LGSN: variants seen among roughly 807,000 people sequenced by gnomAD.
LGSN encodes lengsin, lens protein with glutamine synthetase domain, also known as lengsin.
Under a neutral mutation model 19.5 loss-of-function variants are expected in LGSN, and 21 were observed. The ratio of observed to expected loss-of-function variants is 1.07; its 90% confidence interval spans 0.76 to 1.55. The LOEUF (loss-of-function observed/expected upper bound fraction) is 1.55, where lower values mean the gene tolerates loss of function less well. Among genes scored for constraint, LGSN ranks in the 40% most tolerant of loss-of-function variants. LGSN has a pLI of 0.00. For synonymous variants in LGSN, 257 were observed against 215.6 expected (o/e 1.19, Z -1.68); for missense variants, 673 against 608.5 (o/e 1.11, Z -1.12).
the LGSN span, among the ~76,000 whole-genome samples, chr6:63,412,939 GAAGA>G: frequency 6.7e-6 from 1 of 150,370 alleles, no homozygotes; most frequent in African/African-American, 2.4e-5. Flanking sequence ...AGGAAGAAAG[GAAGA>G]GAGAAGGAAA....
chr6:63,405,200 T>C, the LGSN span, among the ~76,000 whole-genome samples: 21 of 151,954 alleles, frequency 1.4e-4, no homozygotes, highest in Non-Finnish European at 2.9e-5. Context: ...TAATCCAGTC[T>C]ATCATTGTTG....
the LGSN span, among the ~76,000 whole-genome samples, chr6:63,553,050 C>G: frequency 6.6e-6 from 1 of 152,158 alleles, no homozygotes; most frequent in East Asian, 1.9e-4. Flanking sequence ...ACAGATGTAC[C>G]AGCACTGTAT....
the LGSN span, among the ~76,000 whole-genome samples, chr6:63,527,220 T>C: frequency 2.6e-5 from 4 of 152,312 alleles, no homozygotes; most frequent in Admixed American, 2.0e-4. Flanking sequence ...CTATAGCAGT[T>C]ACTTTATGTG....
the LGSN span, among the ~76,000 whole-genome samples, chr6:63,480,988 CACACACACAT>C: frequency 1.3e-4 from 4 of 31,566 alleles, no homozygotes; most frequent in East Asian, 1.3e-3. Context: ...TATATATATA[CACACACACAT>C]ACATACATAC....
the LGSN span, among the ~76,000 whole-genome samples, chr6:63,412,748 AAAGAAAGAAAGAAAGAAAGAAAGGAAG>A: frequency 6.7e-4 from 60 of 89,876 alleles, no homozygotes; most frequent in Non-Finnish European, 1.0e-3. Flanking sequence ...AGAAAGAAAG[AAAGAAAGAAAGAAAGAAAGAAAGGAAG>A]GAAGGGAAGG....
At chr6:63,412,529 G>GGAAAGAAAGAAAGAAAGAAAGAAA in the LGSN span, among the ~76,000 whole-genome samples, 21 of 32,402 alleles carry the variant, frequency 6.5e-4, no homozygotes, top group East Asian at 2.0e-3. Flanking sequence ...AAAGAAAGAA[G>GGAAAGAAAGAAAGAAAGAAAGAAA]GAAAGAAAGA....
At chr6:63,515,915 A>C in the LGSN span, among the ~76,000 whole-genome samples, 1 of 152,258 alleles carries the variant, frequency 6.6e-6, no homozygotes, top group South Asian at 2.1e-4. Flanking sequence ...TAAATGTAAT[A>C]CTTTCCAAAT....
chr6:63,419,780 C>T, the LGSN span, among the ~76,000 whole-genome samples: 2 of 148,786 alleles, frequency 1.3e-5, no homozygotes, highest in East Asian at 2.0e-4. Flanking sequence ...CCCAGCTACT[C>T]GGGAGGCTGA....
At chr6:63,390,593 A>C in the LGSN span, among the ~76,000 whole-genome samples, 1 of 151,344 alleles carries the variant, frequency 6.6e-6, no homozygotes, top group Non-Finnish European at 1.5e-5. Flanking sequence ...GCGGTGGCTC[A>C]CGCCTGTAAT....
At chr6:63,519,819 A>G in the LGSN span, among the ~76,000 whole-genome samples, 36 of 152,336 alleles carry the variant, frequency 2.4e-4, 1 homozygote, top group African/African-American at 6.0e-4. Context: ...GCAATATAGA[A>G]TTTTAGCTCC....
chr6:63,398,113 G>C, the LGSN span, among the ~76,000 whole-genome samples: 1 of 145,982 alleles, frequency 6.9e-6, no homozygotes, highest in Non-Finnish European at 1.5e-5. Context: ...GTACAATTAT[G>C]TACAGTAAAT....
At chr6:63,372,899 G>A in the LGSN span, among the ~76,000 whole-genome samples, 2 of 152,072 alleles carry the variant, frequency 1.3e-5, no homozygotes, top group Non-Finnish European at 2.9e-5. Flanking sequence ...ACATCATTGT[G>A]TGCACATACC....
chr6:63,361,193 G>A, the LGSN span, among the ~76,000 whole-genome samples: 179 of 152,334 alleles, frequency 1.2e-3, no homozygotes, highest in Middle Eastern at 0.01. Context: ...TGTCAGACAG[G>A]GACAAATAAG....
chr6:63,384,598 A>C, the LGSN span, among the ~76,000 whole-genome samples: 4 of 149,396 alleles, frequency 2.7e-5, no homozygotes, highest in Admixed American at 2.7e-4. Flanking sequence ...GCTCACTACA[A>C]CCTCCACCTC....
intron 2 of LGSN, 39 bp downstream of exon 2, chr6:63,294,873 CT>C: frequency 6.2e-7 from 1 of 1,608,008 alleles, no homozygotes; most frequent in Non-Finnish European, 8.5e-7. Context: ...GAGATTGCCT[CT>C]GACCACACCA....
the LGSN span, chr6:63,549,302 G>T: frequency 1.3e-6 from 1 of 754,004 alleles, no homozygotes; most frequent in South Asian, 1.4e-5. Flanking sequence ...ACTTACAGAG[G>T]ATGGCTCTCT....
At chr6:63,480,373 A>T in the LGSN span, 114,884 of 208,880 alleles carry the variant, frequency 0.55, 31,815 homozygotes, top group Non-Finnish European at 0.58. Flanking sequence ...GCAAGTATGG[A>T]CCTGCTAATG....
chr6:63,519,559 C>T, the LGSN span, among the ~76,000 whole-genome samples: 4 of 152,020 alleles, frequency 2.6e-5, no homozygotes, highest in East Asian at 7.7e-4. Flanking sequence ...GTAAAGACAC[C>T]ACATATGCCA....
chr6:63,431,387 T>C, the LGSN span, among the ~76,000 whole-genome samples: 3 of 152,210 alleles, frequency 2.0e-5, no homozygotes, highest in Non-Finnish European at 4.4e-5. Context: ...TCACAGTACC[T>C]CTGATCCCCA....
Sources: allele counts gnomAD v4.1 joint callset (sites outside exome capture counted in the v4.1 genomes callset), GRCh38; gene constraint gnomAD v4.1.1; transcripts MANE v1.5; gene names NCBI Gene and HGNC (gene_info 2026-07-23, HGNC 2026-07-21).